LARGE1: variants seen among roughly 807,000 people sequenced by gnomAD.
LARGE1 encodes the protein LARGE xylosyl- and glucuronyltransferase 1, also known as xylosyl- and glucuronyltransferase LARGE1.
Under a neutral mutation model 87.6 loss-of-function variants are expected in LARGE1, and 43 were observed. That is an observed-to-expected ratio of 0.49 (90% CI 0.38 to 0.63). The LOEUF (loss-of-function observed/expected upper bound fraction) is 0.63, where lower values mean the gene tolerates loss of function less well. Ranked by LOEUF, LARGE1 falls within the 30% of genes least tolerant of loss-of-function variation. LARGE1 has a pLI of 0.00. For missense variants in LARGE1, 802 were observed against 1,000.2 expected (o/e 0.80, Z 2.67); for synonymous variants, 434 against 394.6 (o/e 1.10, Z -1.18).
At chr22:33,274,712 G>T in intron 14 of LARGE1, 88 bp from the exon 15 acceptor site, 2 of 1,171,734 alleles carry the variant, frequency 1.7e-6, no homozygotes, top group Non-Finnish European at 2.6e-6. Flanking sequence ...AATGGCTAGT[G>T]AATGAATGAC....
At chr22:33,293,777 T>C (rs1029959001) in intron 12 of LARGE1, among the ~76,000 whole-genome samples, 3 of 152,210 alleles carry the variant, frequency 2.0e-5, no homozygotes, top group African/African-American at 7.2e-5. Context: ...GTACTGATCC[T>C]ACATGTCACT....
intron 2 of LARGE1, among the ~76,000 whole-genome samples, chr22:33,694,748 A>G (rs1262885884): frequency 2.0e-5 from 3 of 152,106 alleles, no homozygotes; most frequent in Non-Finnish European, 2.9e-5. Flanking sequence ...AGGGAGAATG[A>G]AAAAAATAGG....
intron 6 of LARGE1, among the ~76,000 whole-genome samples, chr22:33,529,203 G>A (rs1183659267): frequency 6.6e-6 from 1 of 152,066 alleles, no homozygotes; most frequent in East Asian, 1.9e-4. Context: ...TAGAAATGGT[G>A]AGCCCTCTCT....
At chr22:33,416,146 A>G (rs2147504999) in intron 7 of LARGE1, among the ~76,000 whole-genome samples, 1 of 152,254 alleles carries the variant, frequency 6.6e-6, no homozygotes, top group Middle Eastern at 3.4e-3. Context: ...AAATGTGACA[A>G]AGGGATTTGC....
At chr22:33,769,430 C>CT (rs1324955048) in intron 1 of LARGE1, among the ~76,000 whole-genome samples, 6 of 152,342 alleles carry the variant, frequency 3.9e-5, no homozygotes, top group African/African-American at 1.4e-4. Flanking sequence ...ATTTTGCCCA[C>CT]TGCTGCCTTG....
intron 1 of LARGE1, among the ~76,000 whole-genome samples, chr22:33,911,613 T>C (rs1189876167): frequency 6.6e-6 from 1 of 152,216 alleles, no homozygotes; most frequent in Non-Finnish European, 1.5e-5. Context: ...ATTGAAAATG[T>C]CTTTCCAGGC....
the LARGE1 span, among the ~76,000 whole-genome samples, chr22:33,075,119 A>C: frequency 1.3e-5 from 2 of 152,182 alleles, no homozygotes; most frequent in Admixed American, 1.3e-4. Flanking sequence ...TCTCTCTTTT[A>C]ATCCAAGTAG....
In LARGE1 at chr22:33,272,718, C is replaced by T. The variant is rs560599345; in HGVS notation, c.*1709G>A. ...TAACATCCACTTGAGCATGTAACAT[C>T]GTGAGTGATCTCACAAACCGGATTG... On this transcript the variant is annotated 3_prime_UTR_variant, in exon 15 of 15. Transcript: ENST00000397394. 2.6e-5 allele frequency: 4 copies of T among 152,238 alleles called. No homozygotes were observed. Among genetic ancestry groups the T allele is most frequent in the Admixed American group, 1.3e-4 (2 of 15,294 alleles). 9.4% of individuals were successfully genotyped at this position (152,238 alleles called of 1,614,324 possible).
intron 11 of LARGE1, among the ~76,000 whole-genome samples, chr22:33,267,307 C>G (rs1928006281): frequency 6.6e-6 from 1 of 151,600 alleles, no homozygotes; most frequent in Non-Finnish European, 1.5e-5. Context: ...ACGGAAGCAA[C>G]AAATTTAGCA....
chr22:33,104,953 C>CTCTT, the LARGE1 span, among the ~76,000 whole-genome samples: 1 of 126,830 alleles, frequency 7.9e-6, no homozygotes. Context: ...CTTTCTCTTT[C>CTCTT]TCTCTTTCTC....
At chr22:33,903,652 C>G (rs1244630794) in intron 1 of LARGE1, among the ~76,000 whole-genome samples, 1 of 151,982 alleles carries the variant, frequency 6.6e-6, no homozygotes, top group Non-Finnish European at 1.5e-5. Context: ...TGGTGAAACC[C>G]TGTCTCTACT....
At chr22:33,271,045 T>C (rs143843077), downstream of LARGE1, among the ~76,000 whole-genome samples, 5 of 152,346 alleles carry the variant, frequency 3.3e-5, no homozygotes, top group African/African-American at 1.2e-4. Context: ...AATATGATTA[T>C]AGATCACCCA....
Position 33,394,702 on chromosome 22 carries a change from C to CGTGTGTGTGT in LARGE1, c.893-10408_893-10399dup, listed in dbSNP as rs59338001. 1.7e-4 allele frequency among the ~76,000 whole-genome samples: 24 copies of CGTGTGTGTGT among 142,424 alleles called. No individual in the cohort carries two copies. The East Asian group carries it at 1.7e-3, about 10-fold the overall frequency. 93.4% of individuals were successfully genotyped at this position (142,424 alleles called of 152,430 possible). On this transcript the variant is annotated intron_variant, in intron 7 of 14. Coordinates refer to ENST00000397394, the MANE Select transcript of LARGE1 (RefSeq NM_133642.5). The stretch of plus-strand genomic sequence containing the variant: ...CCATGTGGTCTCAACCTCCTGGGAG[C>CGTGTGTGTGT]GTGTGTGTGTGTGTGTGTGTGTGTG...
chr22:33,361,940 C>T (rs76063683), intron 9 of LARGE1, among the ~76,000 whole-genome samples: 2,113 of 149,468 alleles, frequency 0.014, 177 homozygotes, highest in African/African-American at 0.048. Flanking sequence ...TTGGTAGACC[C>T]TCTGCTTTCC....
intron 2 of LARGE1, among the ~76,000 whole-genome samples, chr22:33,695,372 G>A (rs2082212400): frequency 6.6e-6 from 1 of 152,054 alleles, no homozygotes; most frequent in African/African-American, 2.4e-5. Context: ...CCAAAGTGCT[G>A]GGATACCCAG....
At chr22:33,300,056 C>A (rs895759234) in intron 12 of LARGE1, among the ~76,000 whole-genome samples, 1 of 152,070 alleles carries the variant, frequency 6.6e-6, no homozygotes, top group Non-Finnish European at 1.5e-5. Flanking sequence ...CAAATAGAAC[C>A]CCAAAAAAGG....
rs1264340379 is a variant in LARGE1 at position 33,193,942 on chromosome 22, ATTATGTT to A, written c.1731-27117_1731-27111del. ...GTTATATATATTAAATATGTTATAG[ATTATGTT>A]TTATATGTTATATATGTTTATATTT... On this transcript the variant is annotated intron_variant, in intron 11 of 11. Transcript: ENST00000608642. Among the ~76,000 whole-genome samples, 8 of 91,490 alleles carry A rather than the reference ATTATGTT, an allele frequency of 8.7e-5. No individual in the cohort carries two copies. The East Asian group carries it at 9.1e-4, about 10-fold the overall frequency. 60.0% of individuals were successfully genotyped at this position (91,490 alleles called of 152,430 possible).
chr22:33,674,853 C>CT (rs2081519215), intron 2 of LARGE1, among the ~76,000 whole-genome samples: 1 of 152,126 alleles, frequency 6.6e-6, no homozygotes, highest in African/African-American at 2.4e-5. Context: ...TATCTGTATG[C>CT]TTGCATGCTT....
chr22:33,708,362 C>T (rs534900956), intron 2 of LARGE1, among the ~76,000 whole-genome samples: 13 of 152,098 alleles, frequency 8.5e-5, no homozygotes, highest in African/African-American at 2.9e-4. Context: ...GTGGCCAATG[C>T]GTAGACAGAG....
Sources: allele counts gnomAD v4.1 joint callset (sites outside exome capture counted in the v4.1 genomes callset), GRCh38; gene constraint gnomAD v4.1.1; transcripts MANE v1.5; gene names NCBI Gene and HGNC (gene_info 2026-07-23, HGNC 2026-07-21).